The following ITPR2 variants were observed in gnomAD, a reference collection of about 807,000 sequenced individuals.
The protein encoded by ITPR2 is inositol 1,4,5-trisphosphate-gated calcium channel ITPR2.
Under a neutral mutation model 317.1 loss-of-function variants are expected in ITPR2, and 207 were observed. The ratio of observed to expected loss-of-function variants is 0.65; its 90% CI spans 0.58 to 0.73. ITPR2 has a LOEUF of 0.73. Ranked by LOEUF, ITPR2 falls within the 30% of genes least tolerant of loss-of-function variation. The pLI, the probability that ITPR2 is intolerant of heterozygous loss-of-function variation, is 0.00. For missense variants in ITPR2, 2,613 were observed against 3,284.0 expected, an observed-to-expected ratio of 0.80 and a Z score of 4.99; for synonymous variants, 1,156 against 1,149.1, an observed-to-expected ratio of 1.01 and a Z score of -0.12.
intron 45 of ITPR2, among the ~76,000 whole-genome samples, chr12:26,455,602 T>A (rs1285706043): frequency 6.6e-6 from 1 of 152,110 alleles, no homozygotes; most frequent in East Asian, 1.9e-4. Context: ...TTAAATGTTA[T>A]CTAGTCATTC....
chr12:26,417,423 C>A (rs1477849421), intron 50 of ITPR2, among the ~76,000 whole-genome samples: 1 of 152,116 alleles, frequency 6.6e-6, no homozygotes, highest in Non-Finnish European at 1.5e-5. Context: ...GAATTGTAAT[C>A]GCCATGTGTC....
In ITPR2 at chr12:26,596,941, G is replaced by T; in HGVS notation, c.4196C>A (p.Ser1399Tyr). The T allele has an allele frequency of 6.2e-7, 1 of 1,605,764 alleles. No individual in the cohort carries two copies. Among genetic ancestry groups the T allele is most frequent in the Non-Finnish European group, 8.5e-7 (1 of 1,175,634 alleles). ...KNVYTEIKCN[S>Y]LLPLDDIVRV... Reference sequence around the variant, plus strand: ...CACTATGTCGTCCAGCGGGAGAAGGGAATTACACTTGATTTCAGTGTAGAC... The same window carrying T: ...CACTATGTCGTCCAGCGGGAGAAGGTAATTACACTTGATTTCAGTGTAGAC... Residue 1399 changes from serine (S) to tyrosine (Y), a missense_variant, in exon 31 of 57, where the codon TCC (serine) becomes TAC (tyrosine). Coordinates refer to ENST00000381340, the MANE Select transcript of ITPR2 (RefSeq NM_002223.4).
At chr12:26,444,387 T>A (rs1402554352) in intron 45 of ITPR2, among the ~76,000 whole-genome samples, 1 of 152,128 alleles carries the variant, frequency 6.6e-6, no homozygotes, top group Non-Finnish European at 1.5e-5. Context: ...TATCTTTCAC[T>A]TATCAAATAT....
intron 1 of ITPR2, among the ~76,000 whole-genome samples, chr12:26,790,722 T>C (rs573058489): frequency 6.6e-6 from 1 of 152,172 alleles, no homozygotes; most frequent in African/African-American, 2.4e-5. Context: ...CCGGTGTGTA[T>C]GTATGTTTTA....
chr12:26,472,189 G>A (rs565716566), intron 45 of ITPR2, among the ~76,000 whole-genome samples: 7 of 152,078 alleles, frequency 4.6e-5, no homozygotes, highest in Non-Finnish European at 7.4e-5. Flanking sequence ...TAGAATAAGC[G>A]GACAATTGCT....
Position 26,581,804 on chromosome 12 carries a change from T to C in ITPR2, c.4381-1649A>G, listed in dbSNP as rs1018024453. Among the ~76,000 whole-genome samples, 4 of 152,188 alleles carry C rather than the reference T, an allele frequency of 2.6e-5. 1 individual carries two copies. In the East Asian group the frequency reaches 7.7e-4, roughly 29 times the overall value. ...CTTTACAGTGAACCTTCCTGATACA[T>C]AGGTTAAAAATATAATAAAGTTGAA... On this transcript the variant is annotated intron_variant, in intron 32 of 56. Coordinates refer to ENST00000381340, the MANE Select transcript of ITPR2 (RefSeq NM_002223.4).
intron 32 of ITPR2, among the ~76,000 whole-genome samples, chr12:26,587,318 A>G (rs1014799534): frequency 6.6e-6 from 1 of 151,590 alleles, no homozygotes; most frequent in Non-Finnish European, 1.5e-5. Context: ...TCAGGTGGTA[A>G]TAAATTCTAT....
At chr12:26,521,697 C>A (rs1943671231) in intron 37 of ITPR2, among the ~76,000 whole-genome samples, 1 of 152,116 alleles carries the variant, frequency 6.6e-6, no homozygotes, top group African/African-American at 2.4e-5. Flanking sequence ...GTCCCATCCC[C>A]AACAGTAATG....
At chr12:26,728,963 G>A (rs1057109356) in intron 2 of ITPR2, among the ~76,000 whole-genome samples, 2 of 152,178 alleles carry the variant, frequency 1.3e-5, no homozygotes, top group Admixed American at 1.3e-4. Context: ...TGGATGCATA[G>A]TTTGCAAAAA....
intron 37 of ITPR2, among the ~76,000 whole-genome samples, chr12:26,497,835 C>T (rs1307598629): frequency 1.3e-5 from 2 of 151,968 alleles, no homozygotes; most frequent in South Asian, 2.1e-4. Context: ...CTCAGCCTCC[C>T]GAGTAGCTGG....
At chr12:26,472,243 C>T (rs1431243369) in intron 45 of ITPR2, among the ~76,000 whole-genome samples, 1 of 152,204 alleles carries the variant, frequency 6.6e-6, no homozygotes, top group East Asian at 1.9e-4. Flanking sequence ...TACTTTTCTT[C>T]CATACCTATG....
intron 42 of ITPR2, among the ~76,000 whole-genome samples, chr12:26,482,468 A>G (rs1172843950): frequency 6.6e-6 from 1 of 152,236 alleles, no homozygotes; most frequent in Non-Finnish European, 1.5e-5. Context: ...AGCAGAAGAG[A>G]CAAATGGTAT....
chr12:26,670,717 T>G (rs1947747862), intron 13 of ITPR2, among the ~76,000 whole-genome samples: 1 of 152,142 alleles, frequency 6.6e-6, no homozygotes, highest in African/African-American at 2.4e-5. Context: ...TTTTACGAGT[T>G]GAGAGAAGAA....
chr12:26,721,374 C>T, intron 5 of ITPR2: 1 of 580,724 alleles, frequency 1.7e-6, no homozygotes, highest in South Asian at 2.2e-5. Flanking sequence ...TCAAAATTCA[C>T]TGGAAAAATT....
chr12:26,374,242 C>T, intron 55 of ITPR2, among the ~76,000 whole-genome samples: 1 of 152,166 alleles, frequency 6.6e-6, no homozygotes, highest in South Asian at 2.1e-4. Context: ...TATAGGAAGC[C>T]CCTCTGCCTG....
intron 45 of ITPR2, among the ~76,000 whole-genome samples, chr12:26,468,561 A>G (rs1555135896): frequency 1.1e-5 from 1 of 86,982 alleles, no homozygotes; most frequent in Non-Finnish European, 2.6e-5. Context: ...GAACAAATAT[A>G]GAAACAGAAA....
At chr12:26,821,766 G>A (rs1474106666) in intron 1 of ITPR2, among the ~76,000 whole-genome samples, 3 of 152,138 alleles carry the variant, frequency 2.0e-5, no homozygotes, top group Non-Finnish European at 2.9e-5. Flanking sequence ...GGATAGCAAG[G>A]GATGCCTATA....
rs71069245 is a variant in ITPR2, at chr12:26,494,771, G to GAAAAAA, written c.5182+375_5182+380dup. 3.9e-3 allele frequency among the ~76,000 whole-genome samples: 194 copies of GAAAAAA among 50,338 alleles called. 38 individuals carry two copies. Among genetic ancestry groups the GAAAAAA allele is most frequent in the South Asian group, 5.6e-3 (4 of 712 alleles). 33.0% of individuals were successfully genotyped at this position (50,338 alleles called of 152,430 possible). On this transcript the variant is annotated intron_variant, in intron 38 of 56. Coordinates refer to ENST00000381340, the MANE Select transcript of ITPR2 (RefSeq NM_002223.4). The stretch of plus-strand genomic sequence containing the variant: ...GGTGACAGAGTGAGACTCTGCCTCA[G>GAAAAAA]AAAAAAAAAAAAAAAAAAAAAAAAG...
At chr12:26,654,171 G>A in intron 20 of ITPR2, 45 bp from the exon 21 acceptor site, 5 of 1,416,578 alleles carry the variant, frequency 3.5e-6, no homozygotes, top group South Asian at 2.7e-5. Context: ...TGAAAGAGTG[G>A]AAAAAAAAAT....
Sources: allele counts gnomAD v4.1 joint callset (sites outside exome capture counted in the v4.1 genomes callset), GRCh38; gene constraint gnomAD v4.1.1; transcripts MANE v1.5; gene names NCBI Gene and HGNC (gene_info 2026-07-23, HGNC 2026-07-21).